PDCD6IP: variants seen among roughly 807,000 people sequenced by gnomAD.
PDCD6IP encodes the protein programmed cell death 6-interacting protein.
In PDCD6IP, 43 loss-of-function variants were observed where a neutral mutation model predicts 103.7. The ratio of observed to expected loss-of-function variants is 0.41; its 90% confidence interval spans 0.32 to 0.53. The LOEUF (loss-of-function observed/expected upper bound fraction) is 0.53. PDCD6IP is among the 20% of genes least tolerant of loss of function. The pLI is 0.16. For missense variants in PDCD6IP, 871 were observed against 1,036.7 expected (o/e 0.84, Z 2.20); for synonymous variants, 354 against 378.7 (o/e 0.93, Z 0.76).
chr3:33,861,084 G>T (rs1213916522), intron 15 of PDCD6IP, among the ~76,000 whole-genome samples: 17 of 148,800 alleles, frequency 1.1e-4, no homozygotes, highest in Non-Finnish European at 5.9e-5. Context: ...TATAATCAAT[G>T]TAAAATTACA....
intron 7 of PDCD6IP, among the ~76,000 whole-genome samples, chr3:33,833,039 T>G (rs569753668): frequency 7.7e-4 from 118 of 152,268 alleles, no homozygotes; most frequent in African/African-American, 2.7e-3. Flanking sequence ...GTTTTAGTTA[T>G]TTCTCCTTTC....
rs921325244 is a variant in PDCD6IP at position 33,867,750 on chromosome 3, A to T, written c.*1225A>T. 1 of 152,194 alleles carries T rather than the reference A, an allele frequency of 6.6e-6. No individual in the cohort carries two copies. The highest frequency in any genetic ancestry group is 2.4e-5 in the African/African-American group (1 of 41,448). The allele number at this position is 152,194 out of a possible 1,614,324, so 9.4% of individuals were successfully genotyped here. Reference sequence around the variant, plus strand: ...ATGAGTTGTCTAACATCACAGTGGGATCTGTTTTTTGTGAGGTTCATTTCT... The same window carrying T: ...ATGAGTTGTCTAACATCACAGTGGGTTCTGTTTTTTGTGAGGTTCATTTCT... On this transcript the variant is annotated 3_prime_UTR_variant, in exon 18 of 18. Transcript: ENST00000307296.
At chr3:33,805,550 A>G (rs1001704247) in intron 1 of PDCD6IP, among the ~76,000 whole-genome samples, 4 of 150,930 alleles carry the variant, frequency 2.7e-5, no homozygotes, top group Admixed American at 6.6e-5. Flanking sequence ...TCCTACTTCA[A>G]CCTCCCAAGT....
chr3:33,863,674 T>C (rs1698001425), intron 15 of PDCD6IP, among the ~76,000 whole-genome samples: 1 of 152,194 alleles, frequency 6.6e-6, no homozygotes, highest in Admixed American at 6.5e-5. Flanking sequence ...TGATGGACAC[T>C]TAGGTTGCAT....
chr3:33,804,219 C>G (rs1305010836), intron 1 of PDCD6IP, among the ~76,000 whole-genome samples: 1 of 152,024 alleles, frequency 6.6e-6, no homozygotes, highest in Non-Finnish European at 1.5e-5. Context: ...AGCTAGAGTC[C>G]CAGTTAGAGC....
At chr3:33,857,034 T>A (rs1395097541) in intron 15 of PDCD6IP, among the ~76,000 whole-genome samples, 2 of 152,152 alleles carry the variant, frequency 1.3e-5, no homozygotes, top group African/African-American at 4.8e-5. Context: ...CATGTTCATG[T>A]TCATTCACCT....
intron 15 of PDCD6IP, among the ~76,000 whole-genome samples, chr3:33,856,069 G>A (rs938799285): frequency 1.3e-5 from 2 of 152,150 alleles, no homozygotes; most frequent in African/African-American, 2.4e-5. Flanking sequence ...TCATAGGAGC[G>A]CAAACTCTAT....
chr3:33,844,554 C>A (rs555545866), intron 11 of PDCD6IP, among the ~76,000 whole-genome samples: 11 of 152,176 alleles, frequency 7.2e-5, no homozygotes, highest in African/African-American at 2.6e-4. Context: ...GATCACAGCT[C>A]GCTGCAGCCC....
chr3:33,811,781 A>G (rs534237228), intron 1 of PDCD6IP, among the ~76,000 whole-genome samples: 1 of 152,360 alleles, frequency 6.6e-6, no homozygotes, highest in South Asian at 2.1e-4. Flanking sequence ...TTTAGTAAGA[A>G]ATAGTATTTT....
chr3:33,817,866 T>C (rs1226252295), intron 3 of PDCD6IP, among the ~76,000 whole-genome samples: 2 of 151,964 alleles, frequency 1.3e-5, no homozygotes, highest in African/African-American at 2.4e-5. Context: ...AATATTGTTT[T>C]GAAAACCTGG....
In PDCD6IP at chr3:33,861,293, A is replaced by G. The variant is rs190594090; in HGVS notation, c.2121-2713A>G. Among the ~76,000 whole-genome samples the G allele has an allele frequency of 1.8e-3, 276 of 152,062 alleles. 1 individual carries two copies. The highest frequency in any genetic ancestry group is 5.9e-3 in the African/African-American group (243 of 41,492). On this transcript the variant is annotated intron_variant, in intron 15 of 17. Transcript: ENST00000307296. Reference sequence around the variant, plus strand: ...CGAGTAGCTGGGATTACAAGCGCCCACCACCAAGCCCAGCTAATTTTTGTA... The same window carrying G: ...CGAGTAGCTGGGATTACAAGCGCCCGCCACCAAGCCCAGCTAATTTTTGTA...
At chr3:33,802,554 A>G (rs976694039) in intron 1 of PDCD6IP, among the ~76,000 whole-genome samples, 6 of 147,928 alleles carry the variant, frequency 4.1e-5, no homozygotes, top group African/African-American at 1.5e-4. Context: ...CAGTGGCATG[A>G]TCTCGGCTCA....
At chr3:33,812,814 CAAGA>C (rs1696749419) in intron 2 of PDCD6IP, among the ~76,000 whole-genome samples, 2 of 151,926 alleles carry the variant, frequency 1.3e-5, no homozygotes, top group Non-Finnish European at 2.9e-5. Flanking sequence ...GTAGATGAAC[CAAGA>C]AGGGCAAAAG....
At chr3:33,830,060 C>T (rs1697213635) in intron 7 of PDCD6IP, among the ~76,000 whole-genome samples, 1 of 152,138 alleles carries the variant, frequency 6.6e-6, no homozygotes, top group Non-Finnish European at 1.5e-5. Context: ...TTATTATGCC[C>T]CCACGTCCCA....
In PDCD6IP at chr3:33,826,542, G is replaced by A. The variant is rs143264432; in HGVS notation, c.679G>A (p.Ala227Thr). 188 of 1,612,242 alleles carry A rather than the reference G, an allele frequency of 1.2e-4. No homozygotes were observed. Among genetic ancestry groups the A allele is most frequent in the Non-Finnish European group, 8.2e-5 (97 of 1,178,852 alleles). Residue 227 changes from alanine to threonine, a missense_variant, in exon 6 of 18, where the codon GCT becomes ACT. Transcript: ENST00000307296. ...ANQAADYFGDAFKQCQYKDTL... is the reference protein window; with the variant it reads ...ANQAADYFGDTFKQCQYKDTL... Reference sequence around the variant, plus strand: ...TCAGGCTGCAGATTATTTTGGTGATGCTTTCAAACAGTGTCAATACAAAGA... The same window carrying A: ...TCAGGCTGCAGATTATTTTGGTGATACTTTCAAACAGTGTCAATACAAAGA...
chr3:33,841,501 C>T (rs1203925783), intron 9 of PDCD6IP, among the ~76,000 whole-genome samples: 5 of 131,316 alleles, frequency 3.8e-5, no homozygotes, highest in African/African-American at 6.0e-5. Flanking sequence ...TGCGGTGGCG[C>T]GATCTCGGCT....
intron 1 of PDCD6IP, chr3:33,799,221 C>G: frequency 2.6e-6 from 1 of 390,692 alleles, no homozygotes; most frequent in Non-Finnish European, 4.6e-6. Context: ...CTGTACTGAT[C>G]TCTTTTGCCA....
intron 1 of PDCD6IP, among the ~76,000 whole-genome samples, chr3:33,805,854 C>T (rs1696585081): frequency 6.6e-6 from 1 of 152,096 alleles, no homozygotes; most frequent in Non-Finnish European, 1.5e-5. Context: ...ACGCCATTCT[C>T]CTGCCTCAGC....
chr3:33,864,823 C>T (rs1001595517), intron 16 of PDCD6IP, among the ~76,000 whole-genome samples: 1 of 152,292 alleles, frequency 6.6e-6, no homozygotes, highest in African/African-American at 2.4e-5. Flanking sequence ...GCAGAAATGA[C>T]AAATGTTAAT....
Sources: gnomAD v4.1 joint callset for allele counts (sites outside exome capture counted in the v4.1 genomes callset) on GRCh38, gnomAD v4.1.1 for gene constraint, MANE v1.5 for transcripts, NCBI Gene and HGNC (gene_info 2026-07-23, HGNC 2026-07-21) for gene names.